PLCXD3: variants seen among roughly 807,000 people sequenced by gnomAD.
The protein encoded by PLCXD3 is phosphatidylinositol specific phospholipase C X domain containing 3.
Under a neutral mutation model 25.5 loss-of-function variants are expected in PLCXD3, and 19 were observed. The ratio of observed to expected loss-of-function variants is 0.75; its 90% CI spans 0.52 to 1.09. The LOEUF is 1.09. PLCXD3 is among the 50% of genes least tolerant of loss of function. The probability of loss-of-function intolerance (pLI) is 0.00; values close to 1 mark genes in which losing one functional copy is unlikely to be tolerated. For missense variants in PLCXD3, 411 were observed against 388.1 expected, an observed-to-expected ratio of 1.06 and a Z score of -0.50; for synonymous variants, 174 against 137.6, an observed-to-expected ratio of 1.26 and a Z score of -1.85.
At chr5:41,420,606 T>G (rs2150505932) in intron 1 of PLCXD3, among the ~76,000 whole-genome samples, 1 of 152,352 alleles carries the variant, frequency 6.6e-6, no homozygotes, top group South Asian at 2.1e-4. Flanking sequence ...CAGACTGGGC[T>G]TCTGCCAAAT....
rs1745496890 is a variant in PLCXD3 at position 41,382,385 on chromosome 5, T to C, written c.253A>G (p.Thr85Ala). The C allele has an allele frequency of 1.2e-6, 2 of 1,613,402 alleles. No individual in the cohort carries two copies. Among genetic ancestry groups the C allele is most frequent in the Non-Finnish European group, 1.7e-6 (2 of 1,179,712 alleles). The part of the protein sequence containing the change: ...KWLATQTMNF[T>A]GQLGAGIRYF... ...CGAATTCCAGCTCCTAGCTGGCCAG[T>C]AAAATTCATTGTCTGAGTGGCTAAC... is the stretch of plus-strand genomic sequence containing the variant. Residue 85 changes from threonine (T) to alanine (A), a missense_variant, in exon 2 of 3, where the codon ACT becomes GCT. Physicochemically the swap from Thr to Ala is moderately conservative, Grantham distance 58. Coordinates refer to ENST00000377801, the MANE Select transcript of PLCXD3 (RefSeq NM_001005473.3).
rs1743207538 is a variant in PLCXD3 at position 41,313,693 on chromosome 5, A to G, written c.890T>C (p.Phe297Ser). The G allele has an allele frequency of 6.2e-7, 1 of 1,613,774 alleles. No individual in the cohort carries two copies. Among genetic ancestry groups the G allele is most frequent in the African/African-American group, 1.3e-5 (1 of 74,896 alleles). The part of the protein sequence containing the change: ...ESGINIVTAD[F>S]VELGDFISTV... ...GCTGATAAAGTCACCAAGTTCTACA[A>G]AATCGGCAGTGACAATATTGATGCC... is the stretch of plus-strand genomic sequence containing the variant. Residue 297 changes from phenylalanine (F) to serine (S), a missense_variant, in exon 3 of 3, where the codon TTT (phenylalanine) becomes TCT (serine). Coordinates refer to ENST00000377801, the MANE Select transcript of PLCXD3 (RefSeq NM_001005473.3).
At chr5:41,460,296 A>T (rs1561279898) in intron 1 of PLCXD3, among the ~76,000 whole-genome samples, 2 of 151,872 alleles carry the variant, frequency 1.3e-5, no homozygotes, top group Non-Finnish European at 2.9e-5. Flanking sequence ...TTTACCTTTG[A>T]TCCTGTTGAA....
chr5:41,389,679 G>A (rs1046600765), intron 1 of PLCXD3, among the ~76,000 whole-genome samples: 1 of 152,100 alleles, frequency 6.6e-6, no homozygotes, highest in African/African-American at 2.4e-5. Context: ...GGAAGTGAAA[G>A]AAGATCTCCC....
intron 1 of PLCXD3, among the ~76,000 whole-genome samples, chr5:41,419,827 A>T (rs1165647968): frequency 3.9e-5 from 6 of 152,204 alleles, no homozygotes; most frequent in Non-Finnish European, 8.8e-5. Flanking sequence ...TGTTGTGATG[A>T]TTAAATGAGG....
At chr5:41,454,121 C>T (rs999966820) in intron 1 of PLCXD3, among the ~76,000 whole-genome samples, 6 of 151,898 alleles carry the variant, frequency 4.0e-5, no homozygotes, top group African/African-American at 1.4e-4. Context: ...ATAAAGTCCT[C>T]CCAAATATTA....
At chr5:41,328,526 G>A (rs952883457) in intron 2 of PLCXD3, among the ~76,000 whole-genome samples, 28 of 152,144 alleles carry the variant, frequency 1.8e-4, no homozygotes, top group South Asian at 2.1e-4. Context: ...GCACATGTCC[G>A]AGTATCCTTT....
chr5:41,342,139 C>T (rs1744169788), intron 2 of PLCXD3, among the ~76,000 whole-genome samples: 1 of 152,104 alleles, frequency 6.6e-6, no homozygotes, highest in South Asian at 2.1e-4. Context: ...GATACTGTGG[C>T]CTATAGGGTA....
intron 1 of PLCXD3, among the ~76,000 whole-genome samples, chr5:41,390,437 C>G (rs1168767873): frequency 6.6e-6 from 1 of 152,058 alleles, no homozygotes; most frequent in Non-Finnish European, 1.5e-5. Context: ...TGACAAATTT[C>G]TCAAAAAGAT....
intron 2 of PLCXD3, among the ~76,000 whole-genome samples, chr5:41,367,771 G>T (rs925362520): frequency 6.6e-6 from 1 of 151,824 alleles, no homozygotes; most frequent in Non-Finnish European, 1.5e-5. Context: ...TTATAGTTTT[G>T]GGTTTTACAT....
At chr5:41,420,416 A>C (rs1006758536) in intron 1 of PLCXD3, among the ~76,000 whole-genome samples, 3 of 152,192 alleles carry the variant, frequency 2.0e-5, no homozygotes, top group African/African-American at 7.2e-5. Flanking sequence ...TAGTGGCATA[A>C]ATTCAGTGTT....
intron 1 of PLCXD3, among the ~76,000 whole-genome samples, chr5:41,402,662 G>A (rs1267161935): frequency 2.6e-5 from 4 of 151,826 alleles, no homozygotes; most frequent in African/African-American, 7.2e-5. Context: ...ATTTTAAAAT[G>A]TCTAACAAAA....
intron 1 of PLCXD3, among the ~76,000 whole-genome samples, chr5:41,509,392 G>T (rs1738982252): frequency 6.6e-6 from 1 of 152,022 alleles, no homozygotes; most frequent in Non-Finnish European, 1.5e-5. Flanking sequence ...AAGTATGGCC[G>T]TGTCCCAGCT....
intron 2 of PLCXD3, among the ~76,000 whole-genome samples, chr5:41,372,956 A>T (rs146630769): frequency 6.6e-6 from 1 of 152,136 alleles, no homozygotes; most frequent in South Asian, 2.1e-4. Flanking sequence ...AGGTGGAAGA[A>T]TCAATTGAAC....
chr5:41,408,711 A>G lies in PLCXD3; in HGVS notation c.104-26177T>C, dbSNP rs144652037. Among the ~76,000 whole-genome samples, 56 of 152,316 alleles carry G rather than the reference A, an allele frequency of 3.7e-4. No individual in the cohort carries two copies. The East Asian group carries it at 7.1e-3, about 19-fold the overall frequency. ...GCACATCTTTATTAAGAAGTCAAAC[A>G]CAAGTCTGTGGCCATAAGAATACGG... On this transcript the variant is annotated intron_variant, in intron 1 of 2. Coordinates refer to ENST00000377801, the MANE Select transcript of PLCXD3 (RefSeq NM_001005473.3).
Position 41,332,660 on chromosome 5 carries a change from C to T in PLCXD3, c.813-18890G>A, listed in dbSNP as rs563587293. Among the ~76,000 whole-genome samples, 451 of 152,108 alleles carry T rather than the reference C, an allele frequency of 3.0e-3. 1 individual carries two copies. Among genetic ancestry groups the T allele is most frequent in the African/African-American group, 0.01 (432 of 41,486 alleles). ...ACATGCACACATATGTTTATTGCGGCACTATTCACAATAGCAAAGACTTGG... is the reference window on the plus strand; with the variant it reads ...ACATGCACACATATGTTTATTGCGGTACTATTCACAATAGCAAAGACTTGG... On this transcript the variant is annotated intron_variant, in intron 2 of 2. Transcript: ENST00000377801.
intron 1 of PLCXD3, among the ~76,000 whole-genome samples, chr5:41,501,479 C>A (rs1430377111): frequency 6.6e-6 from 1 of 151,946 alleles, no homozygotes; most frequent in African/African-American, 2.4e-5. Context: ...GATGAGGTAT[C>A]TAATAGTCAA....
At chr5:41,440,654 T>A (rs559981634) in intron 1 of PLCXD3, among the ~76,000 whole-genome samples, 3 of 152,192 alleles carry the variant, frequency 2.0e-5, no homozygotes, top group South Asian at 4.1e-4. Flanking sequence ...GAGGAGTGTG[T>A]GGCATATAAT....
intron 1 of PLCXD3, among the ~76,000 whole-genome samples, chr5:41,390,692 C>T (rs747685957): frequency 6.6e-6 from 1 of 151,896 alleles, no homozygotes; most frequent in Admixed American, 6.6e-5. Context: ...CGTGCAAGGA[C>T]ACCAAGTAGT....
Sources: gnomAD v4.1 joint callset for allele counts (sites outside exome capture counted in the v4.1 genomes callset) on GRCh38, gnomAD v4.1.1 for gene constraint, MANE v1.5 for transcripts, NCBI Gene and HGNC (gene_info 2026-07-23, HGNC 2026-07-21) for gene names.